The following SIPA1L3 variants were observed in gnomAD, a reference collection of about 807,000 sequenced individuals.
SIPA1L3 encodes signal-induced proliferation-associated 1-like protein 3.
In SIPA1L3, 59 loss-of-function variants were observed where a neutral mutation model predicts 150.1. The observed-to-expected ratio is 0.39, with a 90% confidence interval of 0.32 to 0.49. SIPA1L3 has a LOEUF of 0.49. Ranked by LOEUF, SIPA1L3 falls within the 20% of genes least tolerant of loss-of-function variation. The pLI, the probability that SIPA1L3 is intolerant of heterozygous loss-of-function variation, is 0.86. For missense variants in SIPA1L3, 2,211 were observed against 2,489.5 expected (o/e 0.89, Z 2.38); for synonymous variants, 1,070 against 1,077.6 (o/e 0.99, Z 0.14).
rs191192872 is a variant in SIPA1L3 at position 38,062,881 on chromosome 19, A to T, written c.-310-18375A>T. On this transcript the variant is annotated intron_variant, in intron 2 of 21. Transcript: ENST00000222345. ...GGTGATCCGCCTGCCGTGGCCTCCC[A>T]AAGTGCTGGGATTACGGCCTGCTCT... Among the ~76,000 whole-genome samples the T allele has an allele frequency of 1.1e-4, 16 of 152,196 alleles. No homozygotes were observed. In the East Asian group the frequency reaches 3.1e-3, roughly 30 times the overall value.
At chr19:37,925,086 G>GT (rs2145489172) in intron 1 of SIPA1L3, among the ~76,000 whole-genome samples, 1 of 151,630 alleles carries the variant, frequency 6.6e-6, no homozygotes, top group African/African-American at 2.4e-5. Context: ...GTACATGATT[G>GT]TATGTGTTAC....
intron 13 of SIPA1L3, among the ~76,000 whole-genome samples, chr19:38,157,561 C>A (rs1971977567): frequency 6.6e-6 from 1 of 152,170 alleles, no homozygotes; most frequent in Non-Finnish European, 1.5e-5. Context: ...GGGAGGGTTG[C>A]CTCCATGGTC....
intron 8 of SIPA1L3, among the ~76,000 whole-genome samples, chr19:38,112,138 C>G (rs1296778332): frequency 1.3e-5 from 2 of 150,878 alleles, no homozygotes; most frequent in Non-Finnish European, 1.5e-5. Flanking sequence ...CAGGTACACA[C>G]CTGCACACAG....
At chr19:37,965,803 T>G (rs2046899252) in intron 1 of SIPA1L3, among the ~76,000 whole-genome samples, 1 of 149,282 alleles carries the variant, frequency 6.7e-6, no homozygotes, top group African/African-American at 2.5e-5. Context: ...TTGGGTGACA[T>G]TAAATTCCAC....
intron 4 of SIPA1L3, among the ~76,000 whole-genome samples, chr19:38,089,936 C>T (rs946976011): frequency 3.9e-5 from 6 of 152,128 alleles, no homozygotes; most frequent in Non-Finnish European, 7.4e-5. Context: ...CTTTTTGCAT[C>T]GCGAGTGTCA....
intron 2 of SIPA1L3, among the ~76,000 whole-genome samples, chr19:38,032,016 C>T (rs117754841): frequency 0.03 from 4,611 of 152,222 alleles, 111 homozygotes; most frequent in Middle Eastern, 0.068. Flanking sequence ...TCCCACATCC[C>T]GCTTTTCCTC....
chr19:38,102,006 A>G (rs1970514491), intron 6 of SIPA1L3, among the ~76,000 whole-genome samples: 1 of 151,846 alleles, frequency 6.6e-6, no homozygotes, highest in Admixed American at 6.6e-5. Flanking sequence ...TGGGACCTGA[A>G]TGATGTCTTT....
chr19:38,132,292 G>T (rs544784524), intron 10 of SIPA1L3, among the ~76,000 whole-genome samples: 1 of 151,228 alleles, frequency 6.6e-6, no homozygotes, highest in African/African-American at 2.4e-5. Flanking sequence ...GGGTGTGGTG[G>T]CTCACACCTG....
chr19:38,146,454 G>T (rs1456209925), intron 12 of SIPA1L3, among the ~76,000 whole-genome samples: 1 of 152,100 alleles, frequency 6.6e-6, no homozygotes. Flanking sequence ...ATTTTAAAAA[G>T]ATTTAAAAAG....
At position 38,029,089 on chromosome 19, in the gene SIPA1L3, A is replaced by T. The variant is rs1599925993; in HGVS notation, c.-378A>T. 6.6e-6 allele frequency: 1 copy of T among 152,218 alleles called. No homozygotes were observed. Among genetic ancestry groups the T allele is most frequent in the African/African-American group, 2.4e-5 (1 of 41,438 alleles). 9.4% of individuals were successfully genotyped at this position (152,218 alleles called of 1,614,324 possible). On this transcript the variant is annotated splice_region_variant and 5_prime_UTR_variant, in exon 2 of 22. It removes an upstream start codon present in the reference 5' UTR. Transcript: ENST00000222345. ...AACCTCTTCTTTTTCCTCCATGTAG[A>T]TGCACAGTCTCTGACATCAGCTCTC... is the stretch of plus-strand genomic sequence containing the variant.
chr19:38,014,239 G>T (rs1226444865), intron 1 of SIPA1L3, among the ~76,000 whole-genome samples: 1 of 152,182 alleles, frequency 6.6e-6, no homozygotes, highest in African/African-American at 2.4e-5. Context: ...GTTCCTGGGT[G>T]CCAGGTGCCA....
At position 38,046,728 on chromosome 19, in the gene SIPA1L3, C is replaced by T. The variant is rs183385492; in HGVS notation, c.-311+17572C>T. On this transcript the variant is annotated intron_variant, in intron 2 of 21. Coordinates refer to ENST00000222345, the MANE Select transcript of SIPA1L3 (RefSeq NM_015073.3). The surrounding 1 kb of genome is among the most constrained non-coding windows in gnomAD (Gnocchi z 5.6). ...GTCCCCCGAGCAGCTCCTCTGACCC[C>T]GCAACCCGGCATCTCCTGTGCCCGA... is the stretch of plus-strand genomic sequence containing the variant. Among the ~76,000 whole-genome samples, 149 of 152,314 alleles carry T rather than the reference C, an allele frequency of 9.8e-4. No individual in the cohort carries two copies. The highest frequency in any genetic ancestry group is 3.1e-3 in the African/African-American group (130 of 41,566).
At position 38,193,525 on chromosome 19, in the gene SIPA1L3, C is replaced by T. The variant is rs764310409; in HGVS notation, c.4597-12C>T. ...CTGTGACCTCCCCCAACATCCCACC[C>T]ACGCCCCACAGCAGTCACCGCAGAA... On this transcript the variant is annotated splice_polypyrimidine_tract_variant and intron_variant, in intron 17 of 21. Coordinates refer to ENST00000222345, the MANE Select transcript of SIPA1L3 (RefSeq NM_015073.3). 3.5e-6 allele frequency: 5 copies of T among 1,448,632 alleles called. No individual in the cohort carries two copies. The East Asian group carries it at 1.1e-4, about 31-fold the overall frequency. 89.7% of individuals were successfully genotyped at this position (1,448,632 alleles called of 1,614,324 possible).
chr19:38,071,126 G>C (rs1568532121), intron 2 of SIPA1L3, among the ~76,000 whole-genome samples: 1 of 152,174 alleles, frequency 6.6e-6, no homozygotes, highest in Non-Finnish European at 1.5e-5. Context: ...TTGGGTCACA[G>C]ACCCCAACTG....
intron 9 of SIPA1L3, 143 bp downstream of exon 9, chr19:38,120,025 C>G (rs550912315): frequency 4.9e-6 from 3 of 616,356 alleles, no homozygotes; most frequent in Non-Finnish European, 8.4e-6. Flanking sequence ...ACAAACTAGA[C>G]ATCTTGTGGG....
At chr19:38,162,208 C>A in intron 13 of SIPA1L3, 45 bp from the exon 14 acceptor site, 1 of 1,504,906 alleles carries the variant, frequency 6.6e-7, no homozygotes, top group Non-Finnish European at 9.3e-7. Context: ...CAGGCCCTGG[C>A]CTGAGTCACT....
intron 10 of SIPA1L3, among the ~76,000 whole-genome samples, chr19:38,140,673 C>T (rs773796058): frequency 7.2e-5 from 11 of 152,206 alleles, no homozygotes; most frequent in Non-Finnish European, 1.5e-4. Context: ...GCCAGGCAGT[C>T]GGAGTCCCTG....
At chr19:37,946,621 T>C (rs1179510263) in intron 1 of SIPA1L3, among the ~76,000 whole-genome samples, 1 of 152,222 alleles carries the variant, frequency 6.6e-6, no homozygotes, top group African/African-American at 2.4e-5. Context: ...AAGATTTCTT[T>C]ACATGTTGAA....
intron 1 of SIPA1L3, among the ~76,000 whole-genome samples, chr19:38,017,499 C>T (rs1218332973): frequency 1.3e-5 from 2 of 151,876 alleles, no homozygotes; most frequent in Non-Finnish European, 2.9e-5. Flanking sequence ...TGGGCCACCA[C>T]CATATAGCAA....
Sources: gnomAD v4.1 joint callset for allele counts (sites outside exome capture counted in the v4.1 genomes callset) on GRCh38, gnomAD v4.1.1 for gene constraint, Gnocchi (gnomAD v3.1) non-coding constraint, MANE v1.5 for transcripts, NCBI Gene and HGNC (gene_info 2026-07-23, HGNC 2026-07-21) for gene names.